Variants in STAB2 observed in about 807,000 individuals in gnomAD.
STAB2 encodes stabilin-2.
STAB2 carries 288 observed loss-of-function variants against 338.1 expected under a neutral mutation model. That is an observed-to-expected ratio of 0.85 (90% confidence interval 0.77 to 0.94). STAB2 has a LOEUF of 0.94. Ranked by LOEUF, STAB2 falls within the 40% of genes least tolerant of loss-of-function variation. The pLI is 0.00. For synonymous variants in STAB2, 1,202 were observed against 1,193.3 expected (o/e 1.01, Z -0.15); for missense variants, 3,141 against 3,210.1 (o/e 0.98, Z 0.52).
intron 64 of STAB2, 111 bp downstream of exon 64, chr12:103,758,400 C>T: frequency 2.0e-6 from 3 of 1,526,242 alleles, no homozygotes; most frequent in Non-Finnish European, 2.6e-6. Context: ...TTATTTAGCT[C>T]ACAGATCATC....
rs1310184381 is a variant in STAB2 at position 103,685,453 on chromosome 12, T to TGTGCGC, written c.2997+370_2997+371insTGCGCG. 3.5e-4 allele frequency among the ~76,000 whole-genome samples: 40 copies of TGTGCGC among 113,626 alleles called. No individual in the cohort carries two copies. In the Admixed American group the frequency reaches 3.9e-3, roughly 11 times the overall value. The allele number at this position is 113,626 out of a possible 152,430, so 74.5% of individuals were successfully genotyped here. A position where few individuals can be genotyped will look rare whatever the true frequency, so the allele number is the denominator to read the frequency against. ...GTGTGTGTGTGTGTGTGTGTGTGTGTGCGCGTGCGTGTGTGTGTGCGTGCG... is the reference window on the plus strand; with the variant it reads ...GTGTGTGTGTGTGTGTGTGTGTGTGTGTGCGCGCGCGTGCGTGTGTGTGTGCGTGCG... On this transcript the variant is annotated intron_variant, in intron 27 of 68. Coordinates refer to ENST00000388887, the MANE Select transcript of STAB2 (RefSeq NM_017564.10).
chr12:103,648,568 T>C (rs1873500556), intron 9 of STAB2, 122 bp from the exon 10 acceptor site: 2 of 1,335,156 alleles, frequency 1.5e-6, no homozygotes, highest in African/African-American at 1.5e-5. Context: ...AGGAATGCTC[T>C]CTTGTCCCTA....
At chr12:103,740,931 T>G (rs1043673654) in intron 55 of STAB2, among the ~76,000 whole-genome samples, 175 bp downstream of exon 55, 3 of 152,218 alleles carry the variant, frequency 2.0e-5, no homozygotes, top group Non-Finnish European at 4.4e-5. Flanking sequence ...TTGGCATATT[T>G]TTTTTATCGA....
intron 65 of STAB2, 129 bp from the exon 66 acceptor site, chr12:103,761,171 G>T: frequency 1.3e-6 from 1 of 750,374 alleles, no homozygotes; most frequent in East Asian, 2.5e-5. Context: ...AGAAGTCCTG[G>T]GCTGCCTATC....
chr12:103,647,080 A>G (rs1873392646), intron 9 of STAB2, among the ~76,000 whole-genome samples: 1 of 152,212 alleles, frequency 6.6e-6, no homozygotes, highest in South Asian at 2.1e-4. Context: ...TCCTGTGTAC[A>G]CTTTCTCATG....
intron 25 of STAB2, among the ~76,000 whole-genome samples, chr12:103,680,322 A>G (rs1309369606): frequency 2.0e-5 from 3 of 152,362 alleles, no homozygotes; most frequent in South Asian, 2.1e-4. Context: ...TTAAGAAGAA[A>G]AAAAAACTGG....
intron 11 of STAB2, among the ~76,000 whole-genome samples, chr12:103,650,829 A>G (rs753031439): frequency 2.6e-5 from 4 of 152,184 alleles, no homozygotes; most frequent in Non-Finnish European, 4.4e-5. Context: ...CATTGCCAGC[A>G]ACCTAGAAGG....
chr12:103,602,415 A>G (rs1020907016), intron 3 of STAB2, among the ~76,000 whole-genome samples: 2 of 152,252 alleles, frequency 1.3e-5, no homozygotes, highest in Non-Finnish European at 2.9e-5. Context: ...AATTAAGAAT[A>G]AAGCCACCAC....
intron 42 of STAB2, among the ~76,000 whole-genome samples, chr12:103,714,104 A>G (rs551810093): frequency 3.3e-5 from 5 of 152,248 alleles, no homozygotes; most frequent in Admixed American, 6.5e-5. Context: ...AATACTCTGA[A>G]GATAGTGCTC....
At chr12:103,758,892 G>T (rs79228395) in intron 64 of STAB2, among the ~76,000 whole-genome samples, 2,555 of 152,262 alleles carry the variant, frequency 0.017, 77 homozygotes, top group African/African-American at 0.058. Flanking sequence ...TCAAGACACC[G>T]CTGGAAAGCT....
intron 59 of STAB2, 109 bp downstream of exon 59, chr12:103,749,265 T>G: frequency 8.2e-7 from 1 of 1,213,294 alleles, no homozygotes; most frequent in African/African-American, 1.5e-5. Flanking sequence ...TCCTAAACAT[T>G]TTTTCTAGCA....
chr12:103,655,716 C>A, intron 15 of STAB2, 135 bp downstream of exon 15: 1 of 1,039,262 alleles, frequency 9.6e-7, no homozygotes, highest in Non-Finnish European at 1.4e-6. Context: ...ACAACCAAGG[C>A]AGGCATCACT....
Position 103,654,488 on chromosome 12 carries a change from C to A in STAB2, c.1408-67C>A, listed in dbSNP as rs1874024069. The A allele has an allele frequency of 4.6e-6, 7 of 1,505,516 alleles. No individual in the cohort carries two copies. In the Admixed American group the frequency reaches 1.4e-4, roughly 31 times the overall value. 93.3% of individuals were successfully genotyped at this position (1,505,516 alleles called of 1,614,324 possible). On this transcript the variant is annotated intron_variant, in intron 12 of 68. Coordinates refer to ENST00000388887, the MANE Select transcript of STAB2 (RefSeq NM_017564.10). ...GCCCAAGGACTCAAGACTTCTGACT[C>A]TACTCCAGTGCTTGCTCCTTCCAGG...
At chr12:103,588,154 T>C (rs1375085338) in intron 1 of STAB2, among the ~76,000 whole-genome samples, 2 of 152,190 alleles carry the variant, frequency 1.3e-5, no homozygotes, top group Admixed American at 6.5e-5. Context: ...TGAGACACCA[T>C]GTGATTTCTG....
chr12:103,695,770 G>A lies in STAB2; in HGVS notation c.3508G>A (p.Asp1170Asn), dbSNP rs183850191. 207 of 1,614,074 alleles carry A rather than the reference G, an allele frequency of 1.3e-4. 1 individual carries two copies. The highest frequency in any genetic ancestry group is 6.6e-4 in the South Asian group (60 of 91,066). ...YNLANAIEAA[D>N]AYTVFAPNNN... ...TCTGGCGAATGCAATTGAGGCTGCC[G>A]ATGCCTACACAGTGTTTGCTCCAAA... The change falls in exon 33 of 69, where the codon GAT becomes AAT. Residue 1170 changes from aspartate to asparagine, a missense_variant. Coordinates refer to ENST00000388887, the MANE Select transcript of STAB2 (RefSeq NM_017564.10).
intron 55 of STAB2, 104 bp downstream of exon 55, chr12:103,740,860 AC>A: frequency 7.1e-7 from 1 of 1,412,318 alleles, no homozygotes; most frequent in Non-Finnish European, 9.3e-7. Context: ...TGGGGGAAAC[AC>A]TGCTAATAAT....
At chr12:103,621,166 G>A (rs946381334) in intron 4 of STAB2, among the ~76,000 whole-genome samples, 6 of 151,968 alleles carry the variant, frequency 3.9e-5, no homozygotes, top group Admixed American at 3.3e-4. Context: ...GTAAAATGAG[G>A]CCATATATGT....
rs138760698 is a variant in STAB2 at position 103,730,160 on chromosome 12, T to C, written c.5127T>C (p.Asp1709=). Reference sequence around the variant, plus strand: ...ATAAGGCTAAGATCATATCCAGTGATATCATCAGTACTAATGGGATTGTTC... The same window carrying C: ...ATAAGGCTAAGATCATATCCAGTGACATCATCAGTACTAATGGGATTGTTC... ...INNKAKIISS[D]IISTNGIVHI... is the part of the protein sequence containing the mutation. Residue 1709 remains aspartate (D), a synonymous_variant, in exon 49 of 69, where the codon GAT becomes GAC. Transcript: ENST00000388887. 1.2e-6 allele frequency: 2 copies of C among 1,612,854 alleles called. No individual in the cohort carries two copies. Among genetic ancestry groups the C allele is most frequent in the Non-Finnish European group, 1.7e-6 (2 of 1,179,572 alleles).
chr12:103,629,396 C>T (rs1957426033), intron 5 of STAB2, among the ~76,000 whole-genome samples: 1 of 152,228 alleles, frequency 6.6e-6, no homozygotes, highest in African/African-American at 2.4e-5. Context: ...CCCAGAATGG[C>T]TCACCCTTGC....
Sources: gnomAD v4.1 joint callset for allele counts (sites outside exome capture counted in the v4.1 genomes callset) on GRCh38, gnomAD v4.1.1 for gene constraint, MANE v1.5 for transcripts, NCBI Gene and HGNC (gene_info 2026-07-23, HGNC 2026-07-21) for gene names.